The following LRRC4C variants were observed in gnomAD, a reference collection of about 807,000 sequenced individuals.
LRRC4C encodes the protein leucine-rich repeat-containing protein 4C.
Under a neutral mutation model 33.6 loss-of-function variants are expected in LRRC4C, and 5 were observed. The ratio of observed to expected loss-of-function variants is 0.15; its 90% CI spans 0.08 to 0.31. LRRC4C has a LOEUF of 0.31. Ranked by LOEUF, LRRC4C falls within the 10% of genes least tolerant of loss-of-function variation. LRRC4C has a pLI of 1.00. For synonymous variants in LRRC4C, 329 were observed against 302.0 expected, an observed-to-expected ratio of 1.09 and a Z score of -0.93; for missense variants, 560 against 796.7, an observed-to-expected ratio of 0.70 and a Z score of 3.58.
At chr11:40,375,580 A>G (rs1948626592) in intron 3 of LRRC4C, among the ~76,000 whole-genome samples, 1 of 152,174 alleles carries the variant, frequency 6.6e-6, no homozygotes, top group Admixed American at 6.5e-5. Context: ...GGTGGACATG[A>G]AAAGGTGAGC....
At chr11:40,315,324 TTTGC>T (rs1945522938) in intron 4 of LRRC4C, among the ~76,000 whole-genome samples, 1 of 151,916 alleles carries the variant, frequency 6.6e-6, no homozygotes, top group Admixed American at 6.6e-5. Flanking sequence ...TTAAATAGCT[TTTGC>T]TTAGTTTGCA....
intron 1 of LRRC4C, among the ~76,000 whole-genome samples, chr11:41,298,775 C>A (rs1950209878): frequency 6.6e-6 from 1 of 152,096 alleles, no homozygotes; most frequent in Admixed American, 6.5e-5. Flanking sequence ...TAAGTAATTT[C>A]TCATCTCCCA....
intron 1 of LRRC4C, among the ~76,000 whole-genome samples, chr11:41,055,401 G>A (rs1858546180): frequency 6.6e-6 from 1 of 152,150 alleles, no homozygotes; most frequent in Non-Finnish European, 1.5e-5. Context: ...GTCAGCCTTA[G>A]TGGAGTCTGC....
intron 5 of LRRC4C, among the ~76,000 whole-genome samples, chr11:40,204,867 C>G (rs943233371): frequency 5.3e-5 from 8 of 152,168 alleles, no homozygotes; most frequent in African/African-American, 1.7e-4. Context: ...GCTGCTGATA[C>G]TTAAAGGTTT....
intron 2 of LRRC4C, among the ~76,000 whole-genome samples, chr11:40,774,646 A>T (rs1949905580): frequency 6.6e-6 from 1 of 152,202 alleles, no homozygotes; most frequent in Admixed American, 6.5e-5. Flanking sequence ...AACCATAAGC[A>T]GGTAATTTGT....
At chr11:40,145,652 T>C (rs748263885) in intron 5 of LRRC4C, among the ~76,000 whole-genome samples, 4 of 152,192 alleles carry the variant, frequency 2.6e-5, no homozygotes, top group Non-Finnish European at 4.4e-5. Flanking sequence ...CTGCCATTTG[T>C]ACATTACAGA....
intron 1 of LRRC4C, among the ~76,000 whole-genome samples, chr11:40,975,170 C>A (rs1239893134): frequency 6.6e-6 from 1 of 152,102 alleles, no homozygotes; most frequent in East Asian, 1.9e-4. Flanking sequence ...AATTATAGTG[C>A]AAGGAGATAG....
intron 1 of LRRC4C, among the ~76,000 whole-genome samples, chr11:41,080,342 C>CTTTTTTTTTTTTTTTTTTTT (rs71060997): frequency 9.7e-6 from 1 of 103,434 alleles, no homozygotes; most frequent in Non-Finnish European, 1.8e-5. Context: ...GAGTCTCCTC[C>CTTTTTTTTTTTTTTTTTTTT]TTTTTTTTTT....
chr11:40,942,905 T>C (rs1192675394), intron 1 of LRRC4C, among the ~76,000 whole-genome samples: 2 of 152,158 alleles, frequency 1.3e-5, no homozygotes, highest in African/African-American at 4.8e-5. Flanking sequence ...CCATAACCCC[T>C]ATTACTAACT....
At chr11:41,392,832 G>A (rs991011643) in intron 1 of LRRC4C, among the ~76,000 whole-genome samples, 4 of 151,936 alleles carry the variant, frequency 2.6e-5, no homozygotes, top group Non-Finnish European at 5.9e-5. Flanking sequence ...GAAGCAGGAA[G>A]GATTCTTCCC....
chr11:41,439,933 C>A (rs985520817), intron 1 of LRRC4C, among the ~76,000 whole-genome samples: 2 of 152,174 alleles, frequency 1.3e-5, no homozygotes, highest in South Asian at 4.1e-4. Context: ...AAATACTTCT[C>A]TCATTCAGTA....
intron 2 of LRRC4C, among the ~76,000 whole-genome samples, chr11:40,769,146 A>C (rs1171114790): frequency 6.6e-6 from 1 of 151,102 alleles, no homozygotes; most frequent in Non-Finnish European, 1.5e-5. Context: ...CAGGATACAA[A>C]ATCAACATAC....
intron 4 of LRRC4C, among the ~76,000 whole-genome samples, chr11:40,313,096 T>G (rs1367920073): frequency 6.6e-6 from 1 of 152,162 alleles, no homozygotes; most frequent in African/African-American, 2.4e-5. Flanking sequence ...TCAAAGTCTC[T>G]TTTCAATCTC....
intron 1 of LRRC4C, among the ~76,000 whole-genome samples, chr11:40,942,931 T>A (rs1290063627): frequency 1.3e-5 from 2 of 152,152 alleles, no homozygotes; most frequent in Non-Finnish European, 2.9e-5. Context: ...TGTCAGCAAT[T>A]ACTCAACTAC....
chr11:40,596,164 A>C (rs551152589), intron 3 of LRRC4C, among the ~76,000 whole-genome samples: 9 of 152,304 alleles, frequency 5.9e-5, no homozygotes, highest in African/African-American at 2.2e-4. Context: ...TTGGTTTGAC[A>C]TAAAACCCCA....
At chr11:40,356,602 C>A (rs1437299732) in intron 3 of LRRC4C, among the ~76,000 whole-genome samples, 3 of 151,962 alleles carry the variant, frequency 2.0e-5, no homozygotes, top group Non-Finnish European at 4.4e-5. Flanking sequence ...TTCTATTGAA[C>A]CTATGAGGAA....
intron 3 of LRRC4C, among the ~76,000 whole-genome samples, chr11:40,408,212 T>C (rs1400886410): frequency 1.3e-5 from 2 of 152,012 alleles, no homozygotes; most frequent in African/African-American, 4.8e-5. Context: ...CTGAAATCCT[T>C]TGTTGAATTT....
intron 3 of LRRC4C, among the ~76,000 whole-genome samples, chr11:40,595,175 G>T (rs1959204210): frequency 6.6e-6 from 1 of 151,966 alleles, no homozygotes; most frequent in East Asian, 1.9e-4. Flanking sequence ...AAAAGAAGGA[G>T]ACGTATTTAT....
chr11:40,974,612 CAACTT>C (rs1851954479), intron 1 of LRRC4C, among the ~76,000 whole-genome samples: 1 of 152,146 alleles, frequency 6.6e-6, no homozygotes, highest in Non-Finnish European at 1.5e-5. Context: ...TTTTACCTGT[CAACTT>C]GACTGAATTC....
Sources: gnomAD v4.1 joint callset for allele counts (sites outside exome capture counted in the v4.1 genomes callset) on GRCh38, gnomAD v4.1.1 for gene constraint, MANE v1.5 for transcripts, NCBI Gene and HGNC (gene_info 2026-07-23, HGNC 2026-07-21) for gene names.